TNFRSF19: variants seen among roughly 807,000 people sequenced by gnomAD.
TNFRSF19 encodes TNF receptor superfamily member 19.
Under a neutral mutation model 46.4 loss-of-function variants are expected in TNFRSF19, and 27 were observed. The observed-to-expected ratio is 0.58, with a 90% CI of 0.43 to 0.80. The LOEUF is 0.80. TNFRSF19 is among the 30% of genes least tolerant of loss of function. TNFRSF19 has a pLI of 0.00. For synonymous variants in TNFRSF19, 204 were observed against 205.0 expected (o/e 1.00, Z 0.04); for missense variants, 511 against 530.8 (o/e 0.96, Z 0.37).
Position 23,659,320 on chromosome 13 carries a change from A to G in TNFRSF19, c.610+106A>G. 1 of 1,265,860 alleles carries G rather than the reference A, an allele frequency of 7.9e-7. No individual in the cohort carries two copies. The highest frequency in any genetic ancestry group is 1.5e-5 in the South Asian group (1 of 68,088). 78.4% of individuals were successfully genotyped at this position (1,265,860 alleles called of 1,614,324 possible). ...GACTTGGCTGAGACAAGCACCAGTG[A>G]GTTGTGAAAGAACGCAGGGCACAAG... On this transcript the variant is annotated intron_variant, in intron 6 of 9. Coordinates refer to ENST00000248484, the MANE Select transcript of TNFRSF19 (RefSeq NM_148957.4). The surrounding 1 kb of genome is among the most constrained non-coding windows in gnomAD (Gnocchi z 4.9).
chr13:23,614,746 C>CATACATATATATATATATATAT (rs773633456), intron 3 of TNFRSF19, among the ~76,000 whole-genome samples: 2 of 134,866 alleles, frequency 1.5e-5, no homozygotes, highest in African/African-American at 5.6e-5. Flanking sequence ...ATAAGTAATA[C>CATACATATATATATATATATAT]ATATATATAT....
intron 3 of TNFRSF19, among the ~76,000 whole-genome samples, chr13:23,602,144 C>G (rs1479210618): frequency 2.0e-5 from 3 of 152,094 alleles, no homozygotes; most frequent in Non-Finnish European, 4.4e-5. Context: ...AATATGAAGA[C>G]ACACATAGAT....
chr13:23,621,896 A>C (rs888747482), intron 4 of TNFRSF19, among the ~76,000 whole-genome samples: 2 of 152,032 alleles, frequency 1.3e-5, no homozygotes, highest in African/African-American at 4.8e-5. Flanking sequence ...GCTGAGGCAG[A>C]GCCAAGATCG....
intron 1 of TNFRSF19, among the ~76,000 whole-genome samples, chr13:23,583,632 C>T (rs552453731): frequency 1.3e-5 from 2 of 152,246 alleles, no homozygotes; most frequent in African/African-American, 4.8e-5. Context: ...TTTAGCAGCT[C>T]TTTGGTCAGC....
chr13:23,669,184 C>G, intron 9 of TNFRSF19, 87 bp downstream of exon 9: 2 of 1,480,810 alleles, frequency 1.4e-6, no homozygotes, highest in Non-Finnish European at 1.8e-6. Context: ...TTGGGGGAAC[C>G]TGATGAGTTT....
intron 3 of TNFRSF19, among the ~76,000 whole-genome samples, chr13:23,597,029 T>C (rs1429858320): frequency 6.6e-6 from 1 of 152,016 alleles, no homozygotes; most frequent in Non-Finnish European, 1.5e-5. Context: ...CAGAAATAAA[T>C]AAGTTATTTG....
chr13:23,668,037 C>T lies in TNFRSF19; in HGVS notation c.794C>T (p.Ala265Val), dbSNP rs754533281. The T allele has an allele frequency of 5.0e-6, 8 of 1,610,124 alleles. No individual in the cohort carries two copies. Among genetic ancestry groups the T allele is most frequent in the Middle Eastern group, 1.7e-4 (1 of 6,054 alleles). ...GAGGAGGCCTGCAGCCCCAACCCGG[C>T]GACTCTTGGTTGTGGGGTGCATTCT... ...CCEEACSPNPATLGCGVHSAA... is the reference protein window; with the variant it reads ...CCEEACSPNPVTLGCGVHSAA... Residue 265 changes from alanine (A) to valine (V), a missense_variant, in exon 8 of 10, where the codon GCG becomes GTG. This residue lies in a region of TNFRSF19 where 376 missense variants were observed against 372.7 expected (regional missense o/e 1.01). Coordinates refer to ENST00000248484, the MANE Select transcript of TNFRSF19 (RefSeq NM_148957.4).
intron 8 of TNFRSF19, 137 bp from the exon 9 acceptor site, chr13:23,668,555 C>A: frequency 9.4e-7 from 1 of 1,058,826 alleles, no homozygotes; most frequent in South Asian, 1.7e-5. Flanking sequence ...GAGTTTATAA[C>A]AATAGGAAAC....
intron 3 of TNFRSF19, among the ~76,000 whole-genome samples, chr13:23,597,004 A>C (rs981478745): frequency 6.6e-6 from 1 of 152,244 alleles, no homozygotes; most frequent in Admixed American, 6.5e-5. Context: ...TACTGGGTAA[A>C]TAACAAAATT....
Position 23,674,482 on chromosome 13 carries a change from G to T in TNFRSF19, c.*1102G>T, listed in dbSNP as rs1168644911. 1 of 152,192 alleles carries T rather than the reference G, an allele frequency of 6.6e-6. No individual in the cohort carries two copies. The highest frequency in any genetic ancestry group is 2.4e-5 in the African/African-American group (1 of 41,444). 9.4% of individuals were successfully genotyped at this position (152,192 alleles called of 1,614,324 possible). On this transcript the variant is annotated 3_prime_UTR_variant, in exon 10 of 10. Transcript: ENST00000248484. ...CCTTCCAATTGTGTAAGATTAGTTA[G>T]CACATCATCTCCTACTTTAGCCATC...
intron 5 of TNFRSF19, among the ~76,000 whole-genome samples, chr13:23,634,741 A>G (rs565086533): frequency 1.3e-5 from 2 of 152,288 alleles, no homozygotes; most frequent in East Asian, 1.9e-4. Context: ...CTTTTTGTAT[A>G]GGGAGCATTC....
chr13:23,657,299 C>G (rs1884044550), intron 5 of TNFRSF19, among the ~76,000 whole-genome samples: 1 of 152,162 alleles, frequency 6.6e-6, no homozygotes, highest in Non-Finnish European at 1.5e-5. Context: ...GTGTTTCTCT[C>G]TGGGGCTGTA....
chr13:23,607,023 C>T (rs1344427840), intron 3 of TNFRSF19, among the ~76,000 whole-genome samples: 1 of 152,196 alleles, frequency 6.6e-6, no homozygotes, highest in East Asian at 1.9e-4. Flanking sequence ...GGCTAATTTT[C>T]ACTTCCAAGC....
At chr13:23,661,274 A>T (rs1040854264) in intron 7 of TNFRSF19, among the ~76,000 whole-genome samples, 1 of 152,186 alleles carries the variant, frequency 6.6e-6, no homozygotes, top group Non-Finnish European at 1.5e-5. Context: ...GCTCTTGCTT[A>T]TAAGTGAGAA....
intron 4 of TNFRSF19, among the ~76,000 whole-genome samples, chr13:23,621,093 T>C (rs1331498964): frequency 1.3e-5 from 2 of 152,126 alleles, no homozygotes; most frequent in Non-Finnish European, 2.9e-5. Flanking sequence ...CCGTGATTGA[T>C]TGATGGGAAT....
At chr13:23,645,321 C>G (rs1883267512) in intron 5 of TNFRSF19, among the ~76,000 whole-genome samples, 1 of 152,198 alleles carries the variant, frequency 6.6e-6, no homozygotes, top group South Asian at 2.1e-4. Flanking sequence ...TGCACCTCAG[C>G]CTCCCAAGTA....
intron 9 of TNFRSF19, among the ~76,000 whole-genome samples, chr13:23,671,625 T>A (rs1951763474): frequency 6.6e-6 from 1 of 152,208 alleles, no homozygotes; most frequent in African/African-American, 2.4e-5. Context: ...CAACCAAGTG[T>A]TTAACTCAAG....
chr13:23,595,409 A>G (rs1046940116), intron 3 of TNFRSF19, among the ~76,000 whole-genome samples: 3 of 152,218 alleles, frequency 2.0e-5, no homozygotes, highest in Non-Finnish European at 4.4e-5. Context: ...TTAGAGAAGA[A>G]CATAAATGAC....
At chr13:23,593,024 C>T (rs1007162688) in intron 2 of TNFRSF19, among the ~76,000 whole-genome samples, 1 of 151,540 alleles carries the variant, frequency 6.6e-6, no homozygotes, top group African/African-American at 2.4e-5. Context: ...GAGAAGAGAA[C>T]AGCTCCTAAG....
Sources: gnomAD v4.1 joint callset for allele counts (sites outside exome capture counted in the v4.1 genomes callset) on GRCh38, gnomAD v4.1.1 for gene constraint, gnomAD v4.1.1 regional missense constraint, Gnocchi (gnomAD v3.1) non-coding constraint, MANE v1.5 for transcripts, NCBI Gene and HGNC (gene_info 2026-07-23, HGNC 2026-07-21) for gene names.